TRPM5: variants seen among roughly 807,000 people sequenced by gnomAD.
TRPM5 encodes transient receptor potential cation channel subfamily M member 5, also known as MLSN1 and TRP-related.
Under a neutral mutation model 124.9 loss-of-function variants are expected in TRPM5, and 121 were observed. The observed-to-expected ratio is 0.97, with a 90% CI of 0.84 to 1.13. The LOEUF (loss-of-function observed/expected upper bound fraction) is 1.13, where lower values mean the gene tolerates loss of function less well. Ranked by LOEUF, TRPM5 falls within the 50% of genes most tolerant of loss-of-function variation. TRPM5 has a pLI of 0.00. For synonymous variants in TRPM5, 781 were observed against 700.5 expected (o/e 1.11, Z -1.81); for missense variants, 1,643 against 1,589.1 (o/e 1.03, Z -0.58).
intron 2 of TRPM5, among the ~76,000 whole-genome samples, chr11:2,421,827 G>C (rs969376961): frequency 3.3e-5 from 5 of 152,288 alleles, no homozygotes; most frequent in African/African-American, 1.2e-4. Flanking sequence ...CCTGCTAGTG[G>C]AGGGGGCAGC....
chr11:2,427,035 AGC>A (rs945616638), upstream of TRPM5, among the ~76,000 whole-genome samples: 5 of 152,134 alleles, frequency 3.3e-5, no homozygotes, highest in African/African-American at 1.2e-4. Flanking sequence ...TCAGATCCAG[AGC>A]CCGTGGGGCT....
the TRPM5 span, among the ~76,000 whole-genome samples, chr11:2,437,815 G>A: frequency 2.8e-4 from 42 of 152,272 alleles, no homozygotes; most frequent in African/African-American, 7.7e-4. This position sits in a 1 kb window ranked among gnomAD's most constrained non-coding sequence, Gnocchi z 5.6. Flanking sequence ...TGAGCTGACC[G>A]GTCTTTATGA....
At chr11:2,427,606 T>G (rs1845849529), upstream of TRPM5, among the ~76,000 whole-genome samples, 1 of 152,218 alleles carries the variant, frequency 6.6e-6, no homozygotes. Context: ...CAGGTGTGAT[T>G]GGCACCAAGG....
At chr11:2,404,994 T>G in exon 24 of TRPM5, 3 of 1,612,762 alleles carry the variant, frequency 1.9e-6, no homozygotes, top group Non-Finnish European at 2.5e-6. Flanking sequence ...CTAAACCACC[T>G]CTGTGGTCAG....
chr11:2,444,367 A>ACCCTACCCCGCCCCTCCTGCC, the TRPM5 span, among the ~76,000 whole-genome samples: 15 of 148,570 alleles, frequency 1.0e-4, 1 homozygote, highest in South Asian at 3.2e-3. Context: ...AGATGCCGGC[A>ACCCTACCCCGCCCCTCCTGCC]CCCTACCCCG....
At chr11:2,428,783 G>A in the TRPM5 span, among the ~76,000 whole-genome samples, 1 of 150,796 alleles carries the variant, frequency 6.6e-6, no homozygotes, top group African/African-American at 2.4e-5. The surrounding 1 kb of genome is among the most constrained non-coding windows in gnomAD (Gnocchi z 4.0). Context: ...ATGGTGGTGG[G>A]TGACGAAGGT....
chr11:2,436,120 A>G, the TRPM5 span, among the ~76,000 whole-genome samples: 6,002 of 152,238 alleles, frequency 0.039, 238 homozygotes, highest in African/African-American at 0.096. Context: ...TAGGTGCCCA[A>G]TAAATCCCGG....
chr11:2,442,376 TACACACACACACACACACACACACACAC>T, the TRPM5 span, among the ~76,000 whole-genome samples: 89 of 141,256 alleles, frequency 6.3e-4, 1 homozygote, highest in African/African-American at 2.2e-3. This position sits in a 1 kb window ranked among gnomAD's most constrained non-coding sequence, Gnocchi z 5.9. Context: ...CATTCTTTGA[TACACACACACACACACACACACACACAC>T]ACACACACAC....
chr11:2,428,607 G>T, the TRPM5 span, among the ~76,000 whole-genome samples: 7 of 151,938 alleles, frequency 4.6e-5, no homozygotes, highest in African/African-American at 1.7e-4. This position sits in a 1 kb window ranked among gnomAD's most constrained non-coding sequence, Gnocchi z 4.0. Flanking sequence ...GGGTAGTTGG[G>T]GTGGTGATGG....
chr11:2,432,986 A>G, the TRPM5 span, among the ~76,000 whole-genome samples: 7 of 152,238 alleles, frequency 4.6e-5, no homozygotes, highest in Admixed American at 1.3e-4. Flanking sequence ...CTGAGTGCCC[A>G]GCAGTGGAGA....
At position 2,414,212 on chromosome 11, in the gene TRPM5, C is replaced by G; in HGVS notation, c.1745-6G>C. On this transcript the variant is annotated splice_region_variant and splice_polypyrimidine_tract_variant and intron_variant, in intron 11 of 23. Transcript: ENST00000155858. ...GTAGCACTCGGAGAAGAGGTCTGCC[C>G]CCGGAGGCCCTGGCCGCTAGGACGA... 6.2e-7 allele frequency: 1 copy of G among 1,606,064 alleles called. No individual in the cohort carries two copies. Among genetic ancestry groups the G allele is most frequent in the Middle Eastern group, 1.9e-4 (1 of 5,262 alleles).
chr11:2,432,020 C>A, the TRPM5 span, among the ~76,000 whole-genome samples: 1 of 152,200 alleles, frequency 6.6e-6, no homozygotes, highest in Non-Finnish European at 1.5e-5. Context: ...GCACTGCCAT[C>A]AAGGCAGAGA....
At chr11:2,411,119 C>T (rs922667256) in intron 18 of TRPM5, among the ~76,000 whole-genome samples, 1 of 152,166 alleles carries the variant, frequency 6.6e-6, no homozygotes, top group Non-Finnish European at 1.5e-5. Context: ...CCCAAGGCCC[C>T]AGGTCCCAGG....
At position 2,422,654 on chromosome 11, in the gene TRPM5, G is replaced by A. The variant is rs555384440; in HGVS notation, c.117+266C>T. 6.6e-5 allele frequency among the ~76,000 whole-genome samples: 10 copies of A among 151,792 alleles called. No individual in the cohort carries two copies. The East Asian group carries it at 1.6e-3, about 24-fold the overall frequency. ...GAGCCGAGGGCGCTGGACAGAGGTGGGGCCCTGGATGCACTTGACCTTGCA... is the reference window on the plus strand; with the variant it reads ...GAGCCGAGGGCGCTGGACAGAGGTGAGGCCCTGGATGCACTTGACCTTGCA... On this transcript the variant is annotated intron_variant, in intron 1 of 23. Transcript: ENST00000155858.
chr11:2,418,152 G>A lies in TRPM5; in HGVS notation c.906+15C>T, dbSNP rs1412000184. ...GAGGAGGGGTCGGGAGGACAGGGGAGGGGGCAGCACATACCAGCTTGGTCC... is the reference window on the plus strand; with the variant it reads ...GAGGAGGGGTCGGGAGGACAGGGGAAGGGGCAGCACATACCAGCTTGGTCC... On this transcript the variant is annotated intron_variant, in intron 6 of 23. Transcript: ENST00000155858. 3.3e-6 allele frequency: 5 copies of A among 1,537,234 alleles called. No individual in the cohort carries two copies. In the South Asian group the frequency reaches 6.0e-5, roughly 18 times the overall value.
rs1288820856 is a variant in TRPM5 at position 2,412,013 on chromosome 11, C to G, written c.2474+122G>C. ...ACTTCCCTGGCTCAAGTGACCCACC[C>G]ACCTCAGCCTCCTGAGTAGCTGGGA... On this transcript the variant is annotated intron_variant, in intron 16 of 23. Coordinates refer to ENST00000155858, the Ensembl canonical transcript of TRPM5. The G allele has an allele frequency of 4.2e-6, 4 of 963,000 alleles. No individual in the cohort carries two copies. In the African/African-American group the frequency reaches 6.4e-5, roughly 16 times the overall value. The allele number at this position is 963,000 out of a possible 1,614,324, so 59.7% of individuals were successfully genotyped here.
chr11:2,442,966 C>T, the TRPM5 span, among the ~76,000 whole-genome samples: 1 of 152,180 alleles, frequency 6.6e-6, no homozygotes, highest in African/African-American at 2.4e-5. The surrounding 1 kb of genome is among the most constrained non-coding windows in gnomAD (Gnocchi z 5.9). Flanking sequence ...GATATTAATC[C>T]TTTGTGATCG....
chr11:2,414,009 G>GGGGGGCGCCCCCCCCCCCCCCCC, intron 12 of TRPM5, 52 bp downstream of exon 17: 2 of 1,023,734 alleles, frequency 2.0e-6, no homozygotes, highest in East Asian at 2.8e-5. Context: ...GGCCCAGCTC[G>GGGGGGCGCCCCCCCCCCCCCCCC]CCCGCCCACC....
chr11:2,416,613 G>A (rs946300656), intron 7 of TRPM5, among the ~76,000 whole-genome samples: 4 of 152,126 alleles, frequency 2.6e-5, no homozygotes, highest in Non-Finnish European at 5.9e-5. Flanking sequence ...AAGAGGCGGG[G>A]GAGTTCCTAA....
Sources: gnomAD v4.1 joint callset for allele counts (sites outside exome capture counted in the v4.1 genomes callset) on GRCh38, gnomAD v4.1.1 for gene constraint, Gnocchi (gnomAD v3.1) non-coding constraint, MANE v1.5 for transcripts, NCBI Gene and HGNC (gene_info 2026-07-23, HGNC 2026-07-21) for gene names.